CSMD1: variants seen among roughly 807,000 people sequenced by gnomAD.
The protein encoded by CSMD1 is CUB and sushi domain-containing protein 1.
In CSMD1, 213 loss-of-function variants were observed where a neutral mutation model predicts 417.5. That is an observed-to-expected ratio of 0.51 (90% CI 0.46 to 0.57). The LOEUF (loss-of-function observed/expected upper bound fraction) is 0.57. Among genes scored for constraint, CSMD1 ranks in the 20% least tolerant of loss-of-function variants. The pLI, the probability that CSMD1 is intolerant of heterozygous loss-of-function variation, is 0.00. For synonymous variants in CSMD1, 2,862 were observed against 1,736.8 expected, an observed-to-expected ratio of 1.65 and a Z score of -16.11; for missense variants, 6,923 against 4,529.7, an observed-to-expected ratio of 1.53 and a Z score of -15.17.
chr8:3,375,749 G>C (rs534760439), intron 18 of CSMD1, among the ~76,000 whole-genome samples: 1 of 152,216 alleles, frequency 6.6e-6, no homozygotes, highest in South Asian at 2.1e-4. Flanking sequence ...GGTCCTCACA[G>C]TGTGATCGCT....
At chr8:3,728,993 T>A (rs940331849) in intron 6 of CSMD1, among the ~76,000 whole-genome samples, 1 of 152,224 alleles carries the variant, frequency 6.6e-6, no homozygotes, top group Non-Finnish European at 1.5e-5. Flanking sequence ...TAGAGTGTGA[T>A]GCTACTGTCC....
intron 3 of CSMD1, among the ~76,000 whole-genome samples, chr8:4,395,769 C>T (rs192182338): frequency 6.6e-6 from 1 of 151,702 alleles, no homozygotes; most frequent in African/African-American, 2.4e-5. Flanking sequence ...AAAAAAAATG[C>T]TAAGTGGAAG....
At chr8:4,124,720 T>G (rs949786484) in intron 3 of CSMD1, among the ~76,000 whole-genome samples, 7 of 152,218 alleles carry the variant, frequency 4.6e-5, no homozygotes, top group African/African-American at 1.4e-4. Flanking sequence ...GGCTTTTCCC[T>G]AAGCCAGAAT....
chr8:3,063,196 G>GA (rs1170799163), intron 49 of CSMD1, among the ~76,000 whole-genome samples: 3 of 152,152 alleles, frequency 2.0e-5, no homozygotes, highest in African/African-American at 7.2e-5. Flanking sequence ...CATCCTCCCT[G>GA]ATAAGTGGGC....
intron 7 of CSMD1, among the ~76,000 whole-genome samples, chr8:3,630,897 G>C (rs1478981065): frequency 6.6e-6 from 1 of 152,192 alleles, no homozygotes; most frequent in Non-Finnish European, 1.5e-5. Context: ...ATGTGTGTCT[G>C]GATTAGAGAG....
At chr8:3,931,750 G>A (rs2554660) in intron 5 of CSMD1, among the ~76,000 whole-genome samples, 61,224 of 147,622 alleles carry the variant, frequency 0.41, 14,266 homozygotes, top group East Asian at 0.49. Flanking sequence ...CACACCAGAG[G>A]AAACAAGGTG....
At chr8:4,011,719 G>A (rs925128063) in intron 4 of CSMD1, among the ~76,000 whole-genome samples, 1 of 152,026 alleles carries the variant, frequency 6.6e-6, no homozygotes, top group Non-Finnish European at 1.5e-5. Context: ...AAAATAGTAC[G>A]GAGTTATCAG....
intron 5 of CSMD1, among the ~76,000 whole-genome samples, chr8:3,969,827 A>C (rs554693909): frequency 2.0e-5 from 3 of 152,336 alleles, no homozygotes; most frequent in East Asian, 3.9e-4. Context: ...GGAGATTTTT[A>C]AATGAAGTAT....
At position 4,581,124 on chromosome 8, in the gene CSMD1, TAGAA is replaced by T. The variant is rs1023011388; in HGVS notation, c.302+56214_302+56217del. ...AATAATATTAACTGAAAATGAACGG[TAGAA>T]AGAATCTTTAGTCAAGGATACCATC... On this transcript the variant is annotated intron_variant, in intron 2 of 69. Coordinates refer to ENST00000635120, the MANE Select transcript of CSMD1 (RefSeq NM_033225.6). Among the ~76,000 whole-genome samples the T allele has an allele frequency of 3.3e-3, 510 of 152,340 alleles. 2 individuals carry two copies. The highest frequency in any genetic ancestry group is 0.012 in the African/African-American group (502 of 41,574).
chr8:3,855,700 A>G (rs576376734), intron 5 of CSMD1, among the ~76,000 whole-genome samples: 11 of 152,278 alleles, frequency 7.2e-5, no homozygotes, highest in South Asian at 2.1e-4. Context: ...ATAACAGCGT[A>G]ACCATTTTCT....
intron 1 of CSMD1, among the ~76,000 whole-genome samples, chr8:4,821,973 C>T (rs1457189): frequency 0.84 from 126,931 of 152,012 alleles, 53,630 homozygotes; most frequent in Non-Finnish European, 0.91. Context: ...GAGAATACTA[C>T]GTAAAATAAA....
rs185575567 is a variant in CSMD1, at chr8:3,894,098, T to C, written c.818+103805A>G. Reference sequence around the variant, plus strand: ...AAGCCGTTAATTGTCTCTTTCACGGTGTTCCGTCTATTCTGCACCTCACTT... The same window carrying C: ...AAGCCGTTAATTGTCTCTTTCACGGCGTTCCGTCTATTCTGCACCTCACTT... On this transcript the variant is annotated intron_variant, in intron 5 of 69. Coordinates refer to ENST00000635120, the MANE Select transcript of CSMD1 (RefSeq NM_033225.6). 3.7e-3 allele frequency among the ~76,000 whole-genome samples: 566 copies of C among 152,338 alleles called. 8 individuals are homozygous for C. The highest frequency in any genetic ancestry group is 4.2e-3 in the Non-Finnish European group (288 of 68,034).
intron 12 of CSMD1, among the ~76,000 whole-genome samples, chr8:3,454,380 G>A (rs1399093374): frequency 1.3e-5 from 2 of 152,282 alleles, no homozygotes; most frequent in Admixed American, 1.3e-4. Context: ...TATTTTGCTT[G>A]TTAGTTGAGG....
At chr8:3,936,539 C>T (rs1030992792) in intron 5 of CSMD1, among the ~76,000 whole-genome samples, 10 of 152,142 alleles carry the variant, frequency 6.6e-5, no homozygotes, top group African/African-American at 2.4e-4. Context: ...AACTATGCTC[C>T]ATCAATGGAA....
At chr8:3,453,654 T>C (rs1381681128) in intron 12 of CSMD1, among the ~76,000 whole-genome samples, 1 of 152,254 alleles carries the variant, frequency 6.6e-6, no homozygotes, top group African/African-American at 2.4e-5. Flanking sequence ...AATTGTAGTT[T>C]TATTGCACTG....
chr8:4,897,923 A>G (rs1467424851), intron 1 of CSMD1, among the ~76,000 whole-genome samples: 5 of 152,146 alleles, frequency 3.3e-5, no homozygotes, highest in African/African-American at 9.7e-5. Context: ...AAGTGGGGAC[A>G]TTAGATTCTA....
Position 3,308,425 on chromosome 8 carries a change from T to G in CSMD1, c.3710A>C (p.Asp1237Ala). ...YRIRDEGHFT[D>A]TVVLYSCNPG... is the part of the protein sequence containing the mutation. ...GTTGCAACTGTACAGAACTACAGTG[T>G]CGGTAAAGTGGCCTTCATCACGGAT... Residue 1237 changes from aspartate (D) to alanine (A), a missense_variant, in exon 24 of 70, where the codon GAC (aspartate) becomes GCC (alanine). Asp to Ala is a moderately radical substitution (Grantham distance 126). Coordinates refer to ENST00000635120, the MANE Select transcript of CSMD1 (RefSeq NM_033225.6). 6.2e-7 allele frequency: 1 copy of G among 1,613,772 alleles called. No individual in the cohort carries two copies. Among genetic ancestry groups the G allele is most frequent in the Non-Finnish European group, 8.5e-7 (1 of 1,179,738 alleles).
intron 3 of CSMD1, among the ~76,000 whole-genome samples, chr8:4,220,166 G>C (rs564278178): frequency 2.0e-5 from 3 of 152,076 alleles, no homozygotes; most frequent in Non-Finnish European, 2.9e-5. Flanking sequence ...GGCCAAGCTC[G>C]TCTTGAACTC....
chr8:3,223,947 A>G, intron 27 of CSMD1, 80 bp from the exon 28 acceptor site: 1 of 1,397,382 alleles, frequency 7.2e-7, no homozygotes, highest in Non-Finnish European at 9.8e-7. Flanking sequence ...GAGACACCAC[A>G]GAATTCTTTA....
Sources: gnomAD v4.1 joint callset for allele counts (sites outside exome capture counted in the v4.1 genomes callset) on GRCh38, gnomAD v4.1.1 for gene constraint, MANE v1.5 for transcripts, NCBI Gene and HGNC (gene_info 2026-07-23, HGNC 2026-07-21) for gene names.